NAALADL1: variants seen among roughly 807,000 people sequenced by gnomAD.
NAALADL1 encodes N-acetylated alpha-linked acidic dipeptidase like 1, also known as aminopeptidase NAALADL1.
A neutral mutation model predicts 82.8 loss-of-function variants in NAALADL1; 77 were observed. That is an observed-to-expected ratio of 0.93 (90% confidence interval 0.77 to 1.12). NAALADL1 has a LOEUF of 1.12. Ranked by LOEUF, NAALADL1 falls within the 50% of genes most tolerant of loss-of-function variation. NAALADL1 has a pLI of 0.00. For missense variants in NAALADL1, 956 were observed against 964.0 expected (o/e 0.99, Z 0.11); for synonymous variants, 358 against 399.2 (o/e 0.90, Z 1.23).
In NAALADL1 at chr11:65,057,338, C is replaced by T. The variant is rs189365676; in HGVS notation, c.603+33G>A. ...GTCCACTGCCCAGCCCCTTCCTCAC[C>T]GAGGCCTCCTGCACTGGGGGACTGC... On this transcript the variant is annotated intron_variant, in intron 4 of 17. Coordinates refer to ENST00000358658, the MANE Select transcript of NAALADL1 (RefSeq NM_005468.3). 8,115 of 1,575,052 alleles carry T rather than the reference C, an allele frequency of 5.2e-3. 37 individuals carry two copies. The highest frequency in any genetic ancestry group is 6.5e-3 in the Non-Finnish European group (7,529 of 1,160,434).
intron 4 of NAALADL1, among the ~76,000 whole-genome samples, chr11:65,056,302 A>T (rs892206493): frequency 3.4e-4 from 52 of 151,872 alleles, no homozygotes; most frequent in African/African-American, 1.3e-3. Context: ...CATCTCTAGA[A>T]CTCTTCATCT....
At chr11:65,046,617 C>T in intron 13 of NAALADL1, 91 bp from the exon 14 acceptor site, 1 of 1,282,516 alleles carries the variant, frequency 7.8e-7, no homozygotes, top group Non-Finnish European at 1.1e-6. Context: ...GGCATTATCT[C>T]CACTGAATCT....
chr11:65,050,426 C>T (rs554350747), intron 8 of NAALADL1, among the ~76,000 whole-genome samples: 1 of 150,398 alleles, frequency 6.6e-6, no homozygotes, highest in South Asian at 2.1e-4. Flanking sequence ...TGCAGTGAGC[C>T]GAGATGGCGC....
chr11:65,056,951 A>G (rs1233152239), intron 4 of NAALADL1, among the ~76,000 whole-genome samples: 1 of 152,168 alleles, frequency 6.6e-6, no homozygotes, highest in Non-Finnish European at 1.5e-5. Flanking sequence ...TCCTGACCTC[A>G]GGTGATCTGC....
chr11:65,058,570 C>A, upstream of NAALADL1: 1 of 1,473,866 alleles, frequency 6.8e-7, no homozygotes, highest in Non-Finnish European at 9.1e-7. Flanking sequence ...TAGGTTATTC[C>A]CTATAGAGGG....
At chr11:65,045,939 G>T (rs1483253124) in intron 16 of NAALADL1, 25 bp from the exon 17 acceptor site, 2 of 1,612,712 alleles carry the variant, frequency 1.2e-6, no homozygotes, top group Admixed American at 3.3e-5. Flanking sequence ...GGAACTGCCA[G>T]TCACCCTGGA....
At chr11:65,052,502 C>T (rs553742020) in intron 8 of NAALADL1, among the ~76,000 whole-genome samples, 6 of 152,046 alleles carry the variant, frequency 3.9e-5, no homozygotes, top group Non-Finnish European at 7.4e-5. Flanking sequence ...TTAGTAGAGA[C>T]GGGGTTTCAC....
Position 65,053,091 on chromosome 11 carries a change from T to C in NAALADL1, c.1198+127A>G. ...CTGCTGCAGGCCAAGGCTGGTGTCA[T>C]GCATGTCTGCCCCCAGGGCCCTCAG... On this transcript the variant is annotated intron_variant, in intron 8 of 17. Coordinates refer to ENST00000358658, the MANE Select transcript of NAALADL1 (RefSeq NM_005468.3). This position sits in a 1 kb window ranked among gnomAD's most constrained non-coding sequence, Gnocchi z 4.3. The C allele has an allele frequency of 8.1e-7, 1 of 1,227,374 alleles. No homozygotes were observed. The allele number at this position is 1,227,374 out of a possible 1,614,324, so 76.0% of individuals were successfully genotyped here.
rs1050610569 is a variant in NAALADL1 at position 65,057,764 on chromosome 11, G to A, written c.480+111C>T. 37 of 1,503,900 alleles carry A rather than the reference G, an allele frequency of 2.5e-5. No individual in the cohort carries two copies. The African/African-American group carries it at 3.2e-4, about 13-fold the overall frequency. 93.2% of individuals were successfully genotyped at this position (1,503,900 alleles called of 1,614,324 possible). On this transcript the variant is annotated intron_variant, in intron 3 of 17. Transcript: ENST00000358658. ...TGGAGTGTCCCGGTGAGTAAATTCC[G>A]GAGGGCGCGCTGTGCCCCAGTTGAG...
rs1946707721 is a variant in NAALADL1 at position 65,045,825 on chromosome 11, TA to T, written c.2032del (p.Tyr678ThrfsTer13). 1 of 1,613,852 alleles carries T rather than the reference TA, an allele frequency of 6.2e-7. No homozygotes were observed. The highest frequency in any genetic ancestry group is 8.5e-7 in the Non-Finnish European group (1 of 1,179,856). On this transcript the variant is annotated frameshift_variant, in exon 17 of 18. Coordinates refer to ENST00000358658, the MANE Select transcript of NAALADL1 (RefSeq NM_005468.3). LOFTEE classifies it high-confidence loss of function. ...NPRAFPEERY[Y>X]SHVLWAPRTG... ...CAGGACTCTGGGACAGACTCACCTG[TA>T]GTAGCGTTCCTCTGGGAAGGCTCTA... is the stretch of plus-strand genomic sequence containing the variant.
At chr11:65,059,535 C>T (rs1947138055), upstream of NAALADL1, among the ~76,000 whole-genome samples, 1 of 152,174 alleles carries the variant, frequency 6.6e-6, no homozygotes, top group Non-Finnish European at 1.5e-5. Flanking sequence ...GGGAGGCTGT[C>T]CCAGAGGAGG....
At chr11:65,060,943 C>T (rs1947179698), upstream of NAALADL1, among the ~76,000 whole-genome samples, 1 of 152,124 alleles carries the variant, frequency 6.6e-6, no homozygotes, top group South Asian at 2.1e-4. Flanking sequence ...GCTCCCTCCC[C>T]ACTCTCCACC....
intron 8 of NAALADL1, among the ~76,000 whole-genome samples, chr11:65,051,669 C>T (rs1433864596): frequency 1.3e-5 from 2 of 151,928 alleles, no homozygotes; most frequent in Admixed American, 6.6e-5. Context: ...TCATATCATA[C>T]AAGGGGGGGG....
Position 65,058,422 on chromosome 11 carries a change from A to C in NAALADL1, c.100T>G (p.Ser34Ala). The change falls in exon 1 of 18, where the codon TCA becomes GCA. Residue 34 changes from serine to alanine, a missense_variant. By Grantham distance (99) the Ser-to-Ala change is moderately conservative. Coordinates refer to ENST00000358658, the MANE Select transcript of NAALADL1 (RefSeq NM_005468.3). ...GHFAIPKKAN[S>A]LAPQDLDLEI... ...AGGTCCAGGTCCTGGGGGGCCAGTGAGTTGGCTTTTTTGGGGATGGCAAAG... is the reference window on the plus strand; with the variant it reads ...AGGTCCAGGTCCTGGGGGGCCAGTGCGTTGGCTTTTTTGGGGATGGCAAAG... 1 of 1,614,086 alleles carries C rather than the reference A, an allele frequency of 6.2e-7. No homozygotes were observed. Among genetic ancestry groups the C allele is most frequent in the Non-Finnish European group, 8.5e-7 (1 of 1,179,970 alleles).
chr11:65,058,484 G>GA lies in NAALADL1; in HGVS notation c.37_38insT (p.Ala13ValfsTer65). ...GATCCCCAGCCCCAAGAGGGCAGCA[G>GA]CCCCCAGCCCCAGCCCCAACACCTT... On this transcript the variant is annotated frameshift_variant, in exon 1 of 18. Transcript: ENST00000358658. LOFTEE classifies it high-confidence loss of function. 1.2e-6 allele frequency: 2 copies of GA among 1,610,632 alleles called. No homozygotes were observed. The highest frequency in any genetic ancestry group is 1.3e-5 in the African/African-American group (1 of 74,716).
intron 13 of NAALADL1, among the ~76,000 whole-genome samples, 156 bp downstream of exon 13, chr11:65,047,319 G>T (rs540151993): frequency 6.6e-6 from 1 of 152,006 alleles, no homozygotes; most frequent in African/African-American, 2.4e-5. Flanking sequence ...ACGTGTGTGT[G>T]TATTTCTGTG....
rs574307165 is a variant in NAALADL1 at position 65,051,378 on chromosome 11, C to T, written c.1198+1840G>A. Among the ~76,000 whole-genome samples, 14 of 120,870 alleles carry T rather than the reference C, an allele frequency of 1.2e-4. No individual in the cohort carries two copies. The South Asian group carries it at 3.9e-3, about 33-fold the overall frequency. The allele number at this position is 120,870 out of a possible 152,430, so 79.3% of individuals were successfully genotyped here. ...TTGAGACAGGGTCCTTTTCTGTTGC[C>T]CAGGCTGGAGTGCAGTAGTGTGATC... is the stretch of plus-strand genomic sequence containing the variant. On this transcript the variant is annotated intron_variant, in intron 8 of 17. Transcript: ENST00000358658.
In NAALADL1 at chr11:65,058,445, A is replaced by T. The variant is rs151287144; in HGVS notation, c.77T>A (p.Phe26Tyr). ...LLGLGIILGH[F>Y]AIPKKANSLA... ...TGAGTTGGCTTTTTTGGGGATGGCA[A>T]AGTGGCCGAGGATGATCCCCAGCCC... is the stretch of plus-strand genomic sequence containing the variant. The change falls in exon 1 of 18, where the codon TTT (phenylalanine) becomes TAT (tyrosine). Residue 26 changes from phenylalanine to tyrosine, a missense_variant. Phe to Tyr is a conservative substitution (Grantham distance 22). Transcript: ENST00000358658. 4,392 of 1,614,006 alleles carry T rather than the reference A, an allele frequency of 2.7e-3. 8 individuals carry two copies. The highest frequency in any genetic ancestry group is 3.6e-3 in the Non-Finnish European group (4,220 of 1,179,960).
At chr11:65,058,585 T>A, upstream of NAALADL1, 1 of 1,421,246 alleles carries the variant, frequency 7.0e-7, no homozygotes, top group Non-Finnish European at 9.4e-7. Flanking sequence ...AGAGGGGGTG[T>A]TGTGCCTGGT....
Sources: allele counts gnomAD v4.1 joint callset (sites outside exome capture counted in the v4.1 genomes callset), GRCh38; gene constraint gnomAD v4.1.1; non-coding constraint Gnocchi (gnomAD v3.1); transcripts MANE v1.5; gene names NCBI Gene and HGNC (gene_info 2026-07-23, HGNC 2026-07-21).